ACTG2: variants seen among roughly 807,000 people sequenced by gnomAD.
The protein encoded by ACTG2 is actin, gamma-enteric smooth muscle.
In ACTG2, 16 loss-of-function variants were observed where a neutral mutation model predicts 37.6. The observed-to-expected ratio is 0.43, with a 90% CI of 0.29 to 0.65. The LOEUF (loss-of-function observed/expected upper bound fraction) is 0.65. ACTG2 is among the 30% of genes least tolerant of loss of function. ACTG2 has a pLI of 0.18. For missense variants in ACTG2, 238 were observed against 490.9 expected (o/e 0.48, Z 4.87); for synonymous variants, 181 against 179.9 (o/e 1.01, Z -0.05).
intron 1 of ACTG2, among the ~76,000 whole-genome samples, chr2:73,896,160 C>G (rs987852678): frequency 2.0e-5 from 3 of 152,008 alleles, no homozygotes; most frequent in African/African-American, 7.2e-5. Context: ...ATAGCAAGAC[C>G]CTGTTTCAAC....
chr2:73,913,581 G>T lies in ACTG2; in HGVS notation c.548G>T (p.Gly183Val). The change falls in exon 6 of 9, where the codon GGC becomes GTC. Residue 183 changes from glycine (G) to valine (V), a missense_variant. Physicochemically the swap from Gly to Val is moderately radical, Grantham distance 109. Transcript: ENST00000345517. The stretch of plus-strand genomic sequence containing the variant: ...GCCATCATGCGCCTGGACTTGGCTG[G>T]CCGTGACCTCACGGACTACCTCATG... ...PHAIMRLDLAGRDLTDYLMKI... is the reference protein window; with the variant it reads ...PHAIMRLDLAVRDLTDYLMKI... The T allele has an allele frequency of 6.2e-7, 1 of 1,613,954 alleles. No individual in the cohort carries two copies. The highest frequency in any genetic ancestry group is 8.5e-7 in the Non-Finnish European group (1 of 1,179,916).
intron 5 of ACTG2, among the ~76,000 whole-genome samples, chr2:73,912,319 G>A (rs1220115778): frequency 2.6e-5 from 4 of 152,026 alleles, no homozygotes; most frequent in Admixed American, 6.6e-5. Context: ...CTCTGCACCC[G>A]GCTAATTTTT....
intron 3 of ACTG2, among the ~76,000 whole-genome samples, chr2:73,907,124 T>C (rs1285438159): frequency 6.6e-6 from 1 of 152,236 alleles, no homozygotes; most frequent in Non-Finnish European, 1.5e-5. Context: ...ATCCCTCAGA[T>C]AATGAATTAC....
chr2:73,910,881 A>G (rs544178488), intron 5 of ACTG2, among the ~76,000 whole-genome samples: 2 of 152,098 alleles, frequency 1.3e-5, no homozygotes, highest in Admixed American at 1.3e-4. Context: ...TTTCATTTAT[A>G]TCCTTTATTC....
chr2:73,918,690 T>C (rs1009752179), intron 8 of ACTG2, among the ~76,000 whole-genome samples: 1 of 152,160 alleles, frequency 6.6e-6, no homozygotes, highest in Non-Finnish European at 1.5e-5. Flanking sequence ...GGATTCCTAG[T>C]GGAAAGCATG....
intron 1 of ACTG2, among the ~76,000 whole-genome samples, chr2:73,900,117 C>T (rs1369903469): frequency 6.6e-6 from 1 of 152,196 alleles, no homozygotes; most frequent in Non-Finnish European, 1.5e-5. Flanking sequence ...CGCTCCATGC[C>T]ATAGGCACCT....
At chr2:73,900,078 G>A (rs1679844362) in intron 1 of ACTG2, among the ~76,000 whole-genome samples, 1 of 152,186 alleles carries the variant, frequency 6.6e-6, no homozygotes, top group African/African-American at 2.4e-5. Context: ...GGGGCCAAGG[G>A]TCACAGGTTT....
chr2:73,913,738 C>T, intron 6 of ACTG2, 92 bp downstream of exon 6: 1 of 1,188,570 alleles, frequency 8.4e-7, no homozygotes. Context: ...TTCTGTGACT[C>T]TGTGTCTTTA....
At position 73,913,466 on chromosome 2, in the gene ACTG2, T is replaced by G; in HGVS notation, c.452-19T>G. The G allele has an allele frequency of 6.4e-7, 1 of 1,574,502 alleles. No homozygotes were observed. On this transcript the variant is annotated intron_variant, in intron 5 of 8. Coordinates refer to ENST00000345517, the MANE Select transcript of ACTG2 (RefSeq NM_001615.4). ...GGCAAGAATGAGAATTTTATAAGCC[T>G]GATCCTCTCTGTCCACAGGCATCGT...
chr2:73,906,405 G>C (rs1307990204), intron 3 of ACTG2, among the ~76,000 whole-genome samples: 1 of 151,890 alleles, frequency 6.6e-6, no homozygotes, highest in Admixed American at 6.6e-5. Flanking sequence ...GAGCCGAGAT[G>C]GCGCCACTGT....
intron 2 of ACTG2, 35 bp downstream of exon 2, chr2:73,901,472 C>A: frequency 6.2e-7 from 1 of 1,610,604 alleles, no homozygotes. Flanking sequence ...AGGCTTTGAG[C>A]CACTAGGAGT....
intron 1 of ACTG2, among the ~76,000 whole-genome samples, 185 bp from the exon 2 acceptor site, chr2:73,901,091 C>G (rs1405586809): frequency 2.0e-5 from 3 of 152,028 alleles, no homozygotes; most frequent in African/African-American, 4.8e-5. Flanking sequence ...TTTGGGGGGA[C>G]ACAATTCACA....
At chr2:73,902,688 T>C in intron 3 of ACTG2, 200 bp downstream of exon 3, 1 of 1,551,784 alleles carries the variant, frequency 6.4e-7, no homozygotes, top group East Asian at 2.4e-5. Flanking sequence ...AATGGCTTCC[T>C]GGCTGATTTC....
chr2:73,904,439 A>G (rs1553395271), intron 3 of ACTG2, among the ~76,000 whole-genome samples: 2 of 151,900 alleles, frequency 1.3e-5, no homozygotes, highest in Non-Finnish European at 2.9e-5. Context: ...TGGGAGGCTG[A>G]GGCAGGTGGA....
At position 73,904,205 on chromosome 2, in the gene ACTG2, C is replaced by T. The variant is rs78775653; in HGVS notation, c.255+1717C>T. Among the ~76,000 whole-genome samples, 448 of 135,394 alleles carry T rather than the reference C, an allele frequency of 3.3e-3. 18 individuals carry two copies. The East Asian group carries it at 0.088, about 26-fold the overall frequency. The allele number at this position is 135,394 out of a possible 152,430, so 88.8% of individuals were successfully genotyped here. A position where few individuals can be genotyped will look rare whatever the true frequency, so the allele number is the denominator to read the frequency against. On this transcript the variant is annotated intron_variant, in intron 3 of 8. Coordinates refer to ENST00000345517, the MANE Select transcript of ACTG2 (RefSeq NM_001615.4). ...TGGAGGCTGCAGTGAGCTGTGTTCA[C>T]GCCACTGCACTCCAGCCTGGGTGAT...
chr2:73,916,459 T>G (rs1286160006), intron 7 of ACTG2, 125 bp from the exon 8 acceptor site: 2 of 788,046 alleles, frequency 2.5e-6, no homozygotes, highest in East Asian at 5.5e-5. Context: ...TTATAATCCT[T>G]CTGGGAGATA....
chr2:73,908,867 G>A, intron 4 of ACTG2, 84 bp downstream of exon 4: 1 of 1,327,904 alleles, frequency 7.5e-7, no homozygotes, highest in African/African-American at 1.4e-5. Context: ...TCAAACATCA[G>A]TGCAACAGAA....
chr2:73,903,046 G>C, intron 3 of ACTG2: 1 of 272,414 alleles, frequency 3.7e-6, no homozygotes, highest in Non-Finnish European at 6.9e-6. Context: ...AGTCTCCAGT[G>C]AAAGTTTCTA....
At chr2:73,919,335 C>T (rs1013713056) in intron 8 of ACTG2, 97 bp from the exon 9 acceptor site, 23 of 1,405,928 alleles carry the variant, frequency 1.6e-5, no homozygotes, top group Non-Finnish European at 2.1e-5. Flanking sequence ...TCTTTTCTGA[C>T]CATGGGGCTC....
Sources: gnomAD v4.1 joint callset for allele counts (sites outside exome capture counted in the v4.1 genomes callset) on GRCh38, gnomAD v4.1.1 for gene constraint, MANE v1.5 for transcripts, NCBI Gene and HGNC (gene_info 2026-07-23, HGNC 2026-07-21) for gene names.